CEACAM18: variants seen among roughly 807,000 people sequenced by gnomAD.
CEACAM18 encodes CEA cell adhesion molecule 18.
Under a neutral mutation model 34.3 loss-of-function variants are expected in CEACAM18, and 33 were observed. The observed-to-expected ratio is 0.96, with a 90% CI of 0.73 to 1.29. CEACAM18 has a LOEUF of 1.29. Among genes scored for constraint, CEACAM18 ranks in the 50% most tolerant of loss-of-function variants. The pLI is 0.00. For missense variants in CEACAM18, 474 were observed against 485.0 expected, an observed-to-expected ratio of 0.98 and a Z score of 0.21; for synonymous variants, 169 against 180.9, an observed-to-expected ratio of 0.93 and a Z score of 0.53.
chr19:51,490,550 C>T, intron 5 of CEACAM18, 37 bp from the exon 6 acceptor site: 1 of 1,231,988 alleles, frequency 8.1e-7, no homozygotes, highest in African/African-American at 1.6e-5. Flanking sequence ...TTCTTAGGGA[C>T]CTGAGATGTG....
chr19:51,483,143 G>A lies in CEACAM18; in HGVS notation c.800G>A (p.Trp267Ter). Residue 267 changes from tryptophan to a stop codon, truncating the protein, a stop_gained, in exon 4 of 6, where the codon TGG becomes TAG. Transcript: ENST00000396477. LOFTEE classifies it high-confidence loss of function. The stretch of plus-strand genomic sequence containing the variant: ...TCCTTCCTGGATCTCAAGTACCACT[G>A]GATCCACAATGGCTCCCTCCTGAAC... 1.2e-6 allele frequency: 2 copies of A among 1,613,996 alleles called. No individual in the cohort carries two copies. Among genetic ancestry groups the A allele is most frequent in the South Asian group, 2.2e-5 (2 of 91,082 alleles).
At chr19:51,490,337 C>T (rs1352065782) in intron 5 of CEACAM18, among the ~76,000 whole-genome samples, 3 of 152,080 alleles carry the variant, frequency 2.0e-5, no homozygotes, top group Non-Finnish European at 4.4e-5. Flanking sequence ...CAGCTTCACC[C>T]GGCCTCTTTC....
chr19:51,482,569 C>A lies in CEACAM18; in HGVS notation c.674-448C>A, dbSNP rs184404655. On this transcript the variant is annotated intron_variant, in intron 3 of 5. Coordinates refer to ENST00000396477, the Ensembl canonical transcript of CEACAM18. ...AGGCTGCAGCTGCTCAGGGCAGTTG[C>A]TCCCAGGCCCTGAGACTGGCTCAAT... Among the ~76,000 whole-genome samples, 593 of 152,330 alleles carry A rather than the reference C, an allele frequency of 3.9e-3. 1 individual carries two copies. The highest frequency in any genetic ancestry group is 6.2e-3 in the Non-Finnish European group (423 of 68,038).
intron 4 of CEACAM18, 166 bp from the exon 5 acceptor site, chr19:51,484,821 G>C (rs1315776908): frequency 1.3e-6 from 1 of 791,372 alleles, no homozygotes; most frequent in African/African-American, 1.7e-5. Context: ...TGGGTACAGG[G>C]AGTTTGTTTT....
downstream of CEACAM18, chr19:51,491,097 T>C (rs10421438): frequency 0.9 from 141,253 of 157,384 alleles, 63,466 homozygotes; most frequent in Non-Finnish European, 0.91. Context: ...TAAATTTCAG[T>C]CCTGCCCTGA....
upstream of CEACAM18, chr19:51,478,594 GGC>G (rs1313389468): frequency 3.3e-6 from 5 of 1,513,234 alleles, no homozygotes; most frequent in Non-Finnish European, 4.5e-6. Flanking sequence ...CAGAGGAGGT[GGC>G]TGTGTCTCTG....
intron 5 of CEACAM18, among the ~76,000 whole-genome samples, chr19:51,486,710 C>CTTTTTTTTTTTTTTT (rs1327201659): frequency 5.5e-5 from 8 of 144,426 alleles, no homozygotes; most frequent in Non-Finnish European, 1.1e-4. Flanking sequence ...TTCTTTCTTT[C>CTTTTTTTTTTTTTTT]TTTCTTTTCT....
At chr19:51,480,999 C>T (rs1485087501) in intron 2 of CEACAM18, among the ~76,000 whole-genome samples, 1 of 152,114 alleles carries the variant, frequency 6.6e-6, no homozygotes, top group African/African-American at 2.4e-5. Flanking sequence ...TTTGTCGTAG[C>T]GTTGGAGGGA....
chr19:51,488,784 C>T (rs1403671713), intron 5 of CEACAM18, among the ~76,000 whole-genome samples: 1 of 152,290 alleles, frequency 6.6e-6, no homozygotes, highest in East Asian at 1.9e-4. Context: ...AGAATCCCTC[C>T]TCATTCCCCT....
At chr19:51,489,009 C>A (rs1990046456) in intron 5 of CEACAM18, among the ~76,000 whole-genome samples, 2 of 151,274 alleles carry the variant, frequency 1.3e-5, no homozygotes, top group African/African-American at 2.4e-5. Context: ...GTATAATGGG[C>A]CTTAGTGCTT....
At chr19:51,488,770 C>T (rs1990043236) in intron 5 of CEACAM18, among the ~76,000 whole-genome samples, 1 of 152,168 alleles carries the variant, frequency 6.6e-6, no homozygotes, top group African/African-American at 2.4e-5. Context: ...GTGGACAGGG[C>T]TCCAGAATCC....
chr19:51,490,306 C>A (rs2122196790), intron 5 of CEACAM18, among the ~76,000 whole-genome samples: 1 of 152,246 alleles, frequency 6.6e-6, no homozygotes, highest in South Asian at 2.1e-4. Flanking sequence ...ATAATTAGGC[C>A]AACAGTGCCC....
intron 4 of CEACAM18, among the ~76,000 whole-genome samples, chr19:51,484,340 G>A (rs1989966111): frequency 6.7e-6 from 1 of 148,964 alleles, no homozygotes; most frequent in Admixed American, 6.7e-5. Flanking sequence ...TTTTAACAGA[G>A]TCTCGCTCTG....
At chr19:51,490,969 G>C, downstream of CEACAM18, 1 of 238,474 alleles carries the variant, frequency 4.2e-6, no homozygotes, top group South Asian at 1.8e-4. Context: ...CAGCTTCTCA[G>C]ATTTCTTCAC....
rs986031671 is a variant in CEACAM18 at position 51,486,523 on chromosome 19, G to A, written c.1089+1401G>A. On this transcript the variant is annotated intron_variant, in intron 5 of 5. Coordinates refer to ENST00000396477, the Ensembl canonical transcript of CEACAM18. The stretch of plus-strand genomic sequence containing the variant: ...TACTAAGACTGTAGTAGGAGCAGCC[G>A]ATGGAACTACTTGAGCCCCCTGGTC... 2.6e-5 allele frequency among the ~76,000 whole-genome samples: 4 copies of A among 152,006 alleles called. No homozygotes were observed. The East Asian group carries it at 7.8e-4, about 29-fold the overall frequency.
intron 5 of CEACAM18, among the ~76,000 whole-genome samples, chr19:51,486,542 C>G (rs1990003690): frequency 6.6e-6 from 1 of 150,886 alleles, no homozygotes; most frequent in Non-Finnish European, 1.5e-5. Flanking sequence ...ACTTGAGCCC[C>G]CTGGTCTAGG....
intron 5 of CEACAM18, among the ~76,000 whole-genome samples, chr19:51,488,141 G>A (rs545314048): frequency 2.0e-5 from 3 of 152,186 alleles, no homozygotes; most frequent in Non-Finnish European, 2.9e-5. Context: ...AGAGAAGAGA[G>A]CTCGAGGTGG....
intron 5 of CEACAM18, among the ~76,000 whole-genome samples, chr19:51,485,399 T>C (rs73558848): frequency 0.021 from 3,148 of 152,262 alleles, 105 homozygotes; most frequent in African/African-American, 0.072. Flanking sequence ...AAGGTTTACC[T>C]AGAGGGACAG....
intron 5 of CEACAM18, among the ~76,000 whole-genome samples, chr19:51,486,448 G>A (rs1477229473): frequency 6.6e-6 from 1 of 152,070 alleles, no homozygotes; most frequent in Non-Finnish European, 1.5e-5. Context: ...GTGCCCGGAG[G>A]AAGCTGTTTC....
Sources: allele counts gnomAD v4.1 joint callset (sites outside exome capture counted in the v4.1 genomes callset), GRCh38; gene constraint gnomAD v4.1.1; transcripts MANE v1.5; gene names NCBI Gene and HGNC (gene_info 2026-07-23, HGNC 2026-07-21).